Variants in PCDHGB4 observed in about 807,000 individuals in gnomAD.
The protein encoded by PCDHGB4 is protocadherin gamma-B4.
In PCDHGB4, 38 loss-of-function variants were observed where a neutral mutation model predicts 60.5. That is an observed-to-expected ratio of 0.63 (90% CI 0.48 to 0.82). The LOEUF is 0.82. PCDHGB4 is among the 40% of genes least tolerant of loss of function. The pLI, the probability that PCDHGB4 is intolerant of heterozygous loss-of-function variation, is 0.00. For synonymous variants in PCDHGB4, 456 were observed against 509.7 expected, an observed-to-expected ratio of 0.89 and a Z score of 1.42; for missense variants, 1,109 against 1,209.6, an observed-to-expected ratio of 0.92 and a Z score of 1.23.
chr5:141,410,822 A>T (rs2095425246), intron 1 of PCDHGB4: 1 of 461,414 alleles, frequency 2.2e-6, no homozygotes, highest in Non-Finnish European at 3.6e-6. Flanking sequence ...AAATAATGTC[A>T]CCAGACTGAA....
chr5:141,419,393 G>T (rs1226844501), intron 1 of PCDHGB4: 2 of 1,613,620 alleles, frequency 1.2e-6, no homozygotes, highest in Non-Finnish European at 1.7e-6. Context: ...CGCGCAGAGC[G>T]GGGTGGTGTT....
At chr5:141,450,885 T>C (rs1262944058) in intron 1 of PCDHGB4, among the ~76,000 whole-genome samples, 1 of 149,238 alleles carries the variant, frequency 6.7e-6, no homozygotes, top group African/African-American at 2.5e-5. Context: ...TGTGCAGTGG[T>C]GCGATATCGG....
intron 1 of PCDHGB4, among the ~76,000 whole-genome samples, chr5:141,472,113 A>G (rs1296591849): frequency 1.3e-5 from 2 of 152,260 alleles, no homozygotes; most frequent in East Asian, 3.8e-4. Flanking sequence ...ATACATAAAG[A>G]AAATAAAAGA....
chr5:141,483,099 C>T (rs10068400), intron 1 of PCDHGB4, among the ~76,000 whole-genome samples: 3,098 of 152,014 alleles, frequency 0.02, 87 homozygotes, highest in African/African-American at 0.065. Flanking sequence ...AAAAAGTGTG[C>T]GTGTAAAACA....
At chr5:141,494,965 C>T in intron 2 of PCDHGB4, 100 bp downstream of exon 2, 1 of 1,592,636 alleles carries the variant, frequency 6.3e-7, no homozygotes, top group Non-Finnish European at 8.6e-7. Context: ...CTACAGATGG[C>T]TTCTCCCTCA....
chr5:141,511,342 C>T lies in PCDHGB4; in HGVS notation c.*169C>T. On this transcript the variant is annotated 3_prime_UTR_variant, in exon 4 of 4. Transcript: ENST00000519479. The stretch of plus-strand genomic sequence containing the variant: ...AACAAGTGCCCAGTCAGCACCTACC[C>T]CTTCCCCCCCAGGGGGTTGAATATG... The T allele has an allele frequency of 7.0e-7, 1 of 1,425,078 alleles. No individual in the cohort carries two copies. Among genetic ancestry groups the T allele is most frequent in the East Asian group, 2.5e-5 (1 of 40,014 alleles). 88.3% of individuals were successfully genotyped at this position (1,425,078 alleles called of 1,614,324 possible). A position where few individuals can be genotyped will look rare whatever the true frequency, so the allele number is the denominator to read the frequency against.
intron 3 of PCDHGB4, among the ~76,000 whole-genome samples, chr5:141,508,752 C>G (rs2099871515): frequency 6.6e-6 from 1 of 152,028 alleles, no homozygotes. Flanking sequence ...CGCTCTTTCT[C>G]TGGCGCCTCT....
intron 1 of PCDHGB4, among the ~76,000 whole-genome samples, chr5:141,470,598 G>A (rs2099234276): frequency 6.6e-6 from 1 of 152,184 alleles, no homozygotes; most frequent in Admixed American, 6.5e-5. Flanking sequence ...GGCGACCTGT[G>A]CGGGGACACA....
rs1310685846 is a variant in PCDHGB4, at chr5:141,423,037, T to C, written c.2397+32756T>C. ...GGACAAAGATTCAGGCCAGAACGCCTGGCTGTCCTATCGCCTGCTTAAGGC... is the reference window on the plus strand; with the variant it reads ...GGACAAAGATTCAGGCCAGAACGCCCGGCTGTCCTATCGCCTGCTTAAGGC... On this transcript the variant is annotated intron_variant, in intron 1 of 3. Transcript: ENST00000519479. 5 of 1,614,086 alleles carry C rather than the reference T, an allele frequency of 3.1e-6. No homozygotes were observed. In the African/African-American group the frequency reaches 5.3e-5, roughly 17 times the overall value.
intron 1 of PCDHGB4, chr5:141,419,333 A>T (rs1219255880): frequency 6.2e-7 from 1 of 1,613,804 alleles, no homozygotes; most frequent in South Asian, 1.1e-5. Context: ...CTACTCTCTC[A>T]TTGCCAGCGA....
intron 1 of PCDHGB4, among the ~76,000 whole-genome samples, chr5:141,472,980 C>CAAA (rs60579131): frequency 5.8e-5 from 5 of 86,104 alleles, no homozygotes; most frequent in Non-Finnish European, 1.0e-4. Context: ...GAGTGAAACT[C>CAAA]AAAAAAAAAA....
chr5:141,459,617 A>G (rs900986636), intron 1 of PCDHGB4, among the ~76,000 whole-genome samples: 2 of 152,258 alleles, frequency 1.3e-5, no homozygotes, highest in African/African-American at 2.4e-5. Flanking sequence ...GCTTAACTTT[A>G]TAAGAAGCTG....
At chr5:141,445,808 T>A (rs1004030960) in intron 1 of PCDHGB4, among the ~76,000 whole-genome samples, 1 of 152,182 alleles carries the variant, frequency 6.6e-6, no homozygotes, top group Non-Finnish European at 1.5e-5. Flanking sequence ...AATAAATAGA[T>A]GAAACTAATA....
chr5:141,437,938 A>G (rs1042890704), intron 1 of PCDHGB4, among the ~76,000 whole-genome samples: 4 of 152,132 alleles, frequency 2.6e-5, no homozygotes, highest in African/African-American at 9.7e-5. Flanking sequence ...GGGTTTCACC[A>G]TATTGGCCAG....
chr5:141,438,629 T>C (rs1162332421), intron 1 of PCDHGB4, among the ~76,000 whole-genome samples: 9 of 48,096 alleles, frequency 1.9e-4, no homozygotes, highest in Admixed American at 6.4e-4. Context: ...TATATATATA[T>C]ATATATACAC....
At chr5:141,494,972 C>T (rs1005793988) in intron 2 of PCDHGB4, 107 bp downstream of exon 2, 69 of 1,581,734 alleles carry the variant, frequency 4.4e-5, no homozygotes, top group Non-Finnish European at 5.9e-5. Context: ...TGGCTTCTCC[C>T]TCAGTTTGAG....
Position 141,489,276 on chromosome 5 carries a change from AT to A in PCDHGB4, c.2398-5530del, listed in dbSNP as rs2099684949. 1.9e-6 allele frequency: 3 copies of A among 1,556,004 alleles called. No homozygotes were observed. Among genetic ancestry groups the A allele is most frequent in the Non-Finnish European group, 2.6e-6 (3 of 1,151,570 alleles). ...AGACACTCCCACAGCTCGCTGGGAA[AT>A]GGCAAGTGCTGTGCATGTTGTCCTT... On this transcript the variant is annotated intron_variant, in intron 1 of 3. Coordinates refer to ENST00000519479, the MANE Select transcript of PCDHGB4 (RefSeq NM_003736.4). This position sits in a 1 kb window ranked among gnomAD's most constrained non-coding sequence, Gnocchi z 4.5.
chr5:141,394,362 C>T, intron 1 of PCDHGB4: 1 of 1,614,174 alleles, frequency 6.2e-7, no homozygotes, highest in Non-Finnish European at 8.5e-7. Flanking sequence ...CCTGTATGCG[C>T]TGCAATCTTT....
intron 1 of PCDHGB4, chr5:141,402,792 A>G (rs947158745): frequency 1.4e-5 from 14 of 1,008,956 alleles, no homozygotes; most frequent in Admixed American, 3.1e-5. Flanking sequence ...CTGCGGCTAC[A>G]CAAAACCCGG....
Sources: gnomAD v4.1 joint callset for allele counts (sites outside exome capture counted in the v4.1 genomes callset) on GRCh38, gnomAD v4.1.1 for gene constraint, Gnocchi (gnomAD v3.1) non-coding constraint, MANE v1.5 for transcripts, NCBI Gene and HGNC (gene_info 2026-07-23, HGNC 2026-07-21) for gene names.